The following RBFOX1 variants were observed in gnomAD, a reference collection of about 807,000 sequenced individuals.
The protein encoded by RBFOX1 is RNA binding protein fox-1 homolog 1.
Under a neutral mutation model 57.7 loss-of-function variants are expected in RBFOX1, and 8 were observed. The observed-to-expected ratio is 0.14, with a 90% CI of 0.08 to 0.25. The LOEUF is 0.25. Among genes scored for constraint, RBFOX1 ranks in the 10% least tolerant of loss-of-function variants. The pLI, the probability that RBFOX1 is intolerant of heterozygous loss-of-function variation, is 1.00. For missense variants in RBFOX1, 611 were observed against 548.5 expected, an observed-to-expected ratio of 1.11 and a Z score of -1.14; for synonymous variants, 326 against 222.4, an observed-to-expected ratio of 1.47 and a Z score of -4.15.
At chr16:6,418,630 C>T (rs537366277) in intron 2 of RBFOX1, among the ~76,000 whole-genome samples, 3 of 147,600 alleles carry the variant, frequency 2.0e-5, no homozygotes, top group Admixed American at 6.9e-5. Flanking sequence ...TTCAAGTGAT[C>T]CTCCTACATC....
At chr16:5,885,418 G>T (rs889316157) in intron 4 of RBFOX1, among the ~76,000 whole-genome samples, 2 of 151,342 alleles carry the variant, frequency 1.3e-5, no homozygotes, top group African/African-American at 4.9e-5. Context: ...TAGTAAAATA[G>T]CAACTTGCAA....
At chr16:7,601,609 C>A (rs1202629795) in intron 9 of RBFOX1, among the ~76,000 whole-genome samples, 1 of 152,052 alleles carries the variant, frequency 6.6e-6, no homozygotes, top group Non-Finnish European at 1.5e-5. Context: ...AAATATTTAT[C>A]TACGAGGAAA....
chr16:7,403,562 T>TCCCCCC (rs33991020), intron 4 of RBFOX1, among the ~76,000 whole-genome samples: 1 of 114,666 alleles, frequency 8.7e-6, no homozygotes, highest in African/African-American at 3.3e-5. Flanking sequence ...AATGAGAGAA[T>TCCCCCC]CCCCCCCCCC....
At chr16:6,733,074 C>G (rs2069090905) in intron 3 of RBFOX1, among the ~76,000 whole-genome samples, 1 of 152,162 alleles carries the variant, frequency 6.6e-6, no homozygotes. Flanking sequence ...AGGGCTCCCT[C>G]TTACATAAAA....
intron 4 of RBFOX1, among the ~76,000 whole-genome samples, chr16:7,221,977 A>C (rs1191787453): frequency 6.6e-6 from 1 of 152,226 alleles, no homozygotes; most frequent in Admixed American, 6.5e-5. Context: ...TCTGTGATAG[A>C]ACAGGAGAGA....
chr16:5,607,155 C>T (rs924789418), intron 3 of RBFOX1, among the ~76,000 whole-genome samples: 4 of 152,146 alleles, frequency 2.6e-5, no homozygotes, highest in Non-Finnish European at 4.4e-5. Context: ...CTCCTGGGCA[C>T]GCTCTACTTC....
rs150116766 is a variant in RBFOX1 at position 7,030,940 on chromosome 16, T to C, written c.-15-21117T>C. 2.6e-3 allele frequency among the ~76,000 whole-genome samples: 397 copies of C among 152,348 alleles called. 2 individuals are homozygous for C. The highest frequency in any genetic ancestry group is 9.0e-3 in the African/African-American group (373 of 41,596). ...GAGTGGAAGGGAATGTGGGTATTTA[T>C]CTTGGAAATAAAATGATCAAGAAAG... is the stretch of plus-strand genomic sequence containing the variant. On this transcript the variant is annotated intron_variant, in intron 3 of 15. Transcript: ENST00000550418.
chr16:7,198,922 G>T (rs1187265227), intron 4 of RBFOX1, among the ~76,000 whole-genome samples: 1 of 152,174 alleles, frequency 6.6e-6, no homozygotes, highest in Non-Finnish European at 1.5e-5. Context: ...TTCACAGTTT[G>T]CTCAGTATGA....
At chr16:7,080,195 T>G (rs1373768444) in intron 4 of RBFOX1, among the ~76,000 whole-genome samples, 1 of 151,812 alleles carries the variant, frequency 6.6e-6, no homozygotes, top group Non-Finnish European at 1.5e-5. Flanking sequence ...CCCATTCCCA[T>G]TTGTTTTTGG....
At chr16:6,649,622 T>A (rs2098561853) in intron 2 of RBFOX1, among the ~76,000 whole-genome samples, 1 of 152,340 alleles carries the variant, frequency 6.6e-6, no homozygotes, top group Non-Finnish European at 1.5e-5. Context: ...AATGTTTCGT[T>A]TTCCATTCGT....
chr16:6,260,167 C>G (rs1209085394), intron 1 of RBFOX1, among the ~76,000 whole-genome samples: 1 of 152,152 alleles, frequency 6.6e-6, no homozygotes, highest in Non-Finnish European at 1.5e-5. Context: ...AGGGAAAGTT[C>G]TCCCATTGAA....
At chr16:5,326,080 G>A (rs1414776364) in intron 1 of RBFOX1, among the ~76,000 whole-genome samples, 2 of 152,076 alleles carry the variant, frequency 1.3e-5, no homozygotes, top group Non-Finnish European at 2.9e-5. Flanking sequence ...TCAGACAGCA[G>A]TGTATGAGAG....
intron 1 of RBFOX1, among the ~76,000 whole-genome samples, chr16:6,206,553 G>A (rs181756663): frequency 5.3e-5 from 8 of 152,194 alleles, no homozygotes. Context: ...CCAGGAGCTG[G>A]CGATATTAAA....
At chr16:7,364,884 A>G (rs1253923387) in intron 4 of RBFOX1, among the ~76,000 whole-genome samples, 1 of 152,234 alleles carries the variant, frequency 6.6e-6, no homozygotes, top group African/African-American at 2.4e-5. Context: ...AAGGATATCA[A>G]GATGCTGTTA....
At chr16:5,994,856 G>T (rs964670237) in intron 4 of RBFOX1, among the ~76,000 whole-genome samples, 1 of 152,178 alleles carries the variant, frequency 6.6e-6, no homozygotes, top group Non-Finnish European at 1.5e-5. Flanking sequence ...AATGAGAAAT[G>T]CATACATATC....
chr16:6,511,573 G>A (rs2096255458), intron 2 of RBFOX1, among the ~76,000 whole-genome samples: 1 of 152,150 alleles, frequency 6.6e-6, no homozygotes, highest in South Asian at 2.1e-4. Context: ...TTGTCAAATT[G>A]AGTCCATTGT....
Position 7,013,922 on chromosome 16 carries a change from G to C in RBFOX1, c.-15-38135G>C, listed in dbSNP as rs184666848. On this transcript the variant is annotated intron_variant, in intron 3 of 15. Transcript: ENST00000550418. The stretch of plus-strand genomic sequence containing the variant: ...ATCTTCCTGCCTCAGCCTCCCAAAG[G>C]GCTGGGATTACAGATTTGAGCCACG... 1.3e-3 allele frequency among the ~76,000 whole-genome samples: 205 copies of C among 152,068 alleles called. 1 individual carries two copies. The highest frequency in any genetic ancestry group is 2.2e-3 in the Non-Finnish European group (148 of 67,974).
At chr16:6,330,643 A>T (rs1943257722) in intron 2 of RBFOX1, among the ~76,000 whole-genome samples, 1 of 152,246 alleles carries the variant, frequency 6.6e-6, no homozygotes, top group Admixed American at 6.5e-5. Context: ...CGAGAGACAC[A>T]GTGGGAAAAC....
chr16:6,553,379 A>G (rs529533092), intron 2 of RBFOX1, among the ~76,000 whole-genome samples: 2 of 152,370 alleles, frequency 1.3e-5, no homozygotes, highest in South Asian at 2.1e-4. Context: ...AGGACTATTC[A>G]GTGAACGTCT....
Sources: gnomAD v4.1 joint callset for allele counts (sites outside exome capture counted in the v4.1 genomes callset) on GRCh38, gnomAD v4.1.1 for gene constraint, MANE v1.5 for transcripts, NCBI Gene and HGNC (gene_info 2026-07-23, HGNC 2026-07-21) for gene names.